The following PRPF3 variants were observed in gnomAD, a reference collection of about 807,000 sequenced individuals.
PRPF3 encodes U4/U6 small nuclear ribonucleoprotein Prp3.
A neutral mutation model predicts 89.2 loss-of-function variants in PRPF3; 3 were observed. That is an observed-to-expected ratio of 0.03 (90% CI 0.02 to 0.09). PRPF3 has a LOEUF of 0.09. PRPF3 is among the 10% of genes least tolerant of loss of function. PRPF3 has a pLI of 1.00. For missense variants in PRPF3, 463 were observed against 828.8 expected (o/e 0.56, Z 5.42); for synonymous variants, 270 against 289.1 (o/e 0.93, Z 0.67).
chr1:150,331,481 C>T (rs889920263), intron 4 of PRPF3, among the ~76,000 whole-genome samples: 4 of 152,174 alleles, frequency 2.6e-5, no homozygotes, highest in African/African-American at 4.8e-5. Context: ...TCTCCTGCCT[C>T]AGCCTCCTGA....
chr1:150,338,951 GTTTTTAGCATTATTTTCCTTAA>G (rs2101992966), intron 8 of PRPF3, among the ~76,000 whole-genome samples: 1 of 152,202 alleles, frequency 6.6e-6, no homozygotes, highest in Non-Finnish European at 1.5e-5. Flanking sequence ...ATTGTTGCCT[GTTTTTAGCATTATTTTCCTTAA>G]TTACATTCTT....
chr1:150,343,267 GTA>G, intron 9 of PRPF3, 40 bp from the exon 10 acceptor site: 1 of 1,331,018 alleles, frequency 7.5e-7, no homozygotes, highest in Non-Finnish European at 1.0e-6. Context: ...ATATATATAT[GTA>G]TTCTTACTGC....
intron 9 of PRPF3, among the ~76,000 whole-genome samples, chr1:150,342,382 C>T (rs587702788): frequency 6.6e-6 from 1 of 152,066 alleles, no homozygotes; most frequent in South Asian, 2.1e-4. Context: ...TCCGTCTCAA[C>T]AAAAGGAAAG....
At chr1:150,325,311 A>T (rs1326643985) in intron 2 of PRPF3, among the ~76,000 whole-genome samples, 1 of 152,162 alleles carries the variant, frequency 6.6e-6, no homozygotes, top group Admixed American at 6.6e-5. Context: ...TCGTTTGGCT[A>T]CCATACTGAG....
chr1:150,339,987 G>T (rs1657518722), intron 8 of PRPF3, among the ~76,000 whole-genome samples: 1 of 152,112 alleles, frequency 6.6e-6, no homozygotes, highest in Non-Finnish European at 1.5e-5. Flanking sequence ...CTCCCAAAGT[G>T]CTGGGATTAT....
chr1:150,334,627 A>G (rs1656778224), intron 6 of PRPF3, among the ~76,000 whole-genome samples: 1 of 151,802 alleles, frequency 6.6e-6, no homozygotes, highest in Admixed American at 6.6e-5. Context: ...CGTCCATCCA[A>G]ATAACTCTTA....
intron 3 of PRPF3, chr1:150,327,508 C>T (rs1325150087): frequency 1.2e-5 from 11 of 943,338 alleles, no homozygotes; most frequent in Non-Finnish European, 1.3e-5. Context: ...CATTCAGGTC[C>T]CCACCCCACA....
At chr1:150,347,431 A>G (rs1553873228) in intron 14 of PRPF3, among the ~76,000 whole-genome samples, 3 of 152,026 alleles carry the variant, frequency 2.0e-5, no homozygotes, top group Non-Finnish European at 4.4e-5. Flanking sequence ...AATATTGTTA[A>G]GTCAAAAATG....
Position 150,324,876 on chromosome 1 carries a change from G to T in PRPF3, c.-48-19G>T, listed in dbSNP as rs1403563822. ...TTAGTCTTTTCTTATTCTCTAACTT[G>T]TCTCTTTTTTTTTTTTAGGTGTAGT... On this transcript the variant is annotated intron_variant, in intron 1 of 15. Coordinates refer to ENST00000324862, the MANE Select transcript of PRPF3 (RefSeq NM_004698.4). 7.8e-5 allele frequency: 57 copies of T among 733,072 alleles called. No individual in the cohort carries two copies. The South Asian group carries it at 8.9e-4, about 11-fold the overall frequency. 45.4% of individuals were successfully genotyped at this position (733,072 alleles called of 1,614,324 possible). A position where few individuals can be genotyped will look rare whatever the true frequency, so the allele number is the denominator to read the frequency against.
intron 15 of PRPF3, 27 bp from the exon 16 acceptor site, chr1:150,352,806 T>C (rs1274996426): frequency 6.2e-7 from 1 of 1,609,394 alleles, no homozygotes; most frequent in Non-Finnish European, 8.5e-7. Context: ...GAAATTGAAG[T>C]GTTTTTATTA....
rs1655650888 is a variant in PRPF3 at position 150,325,826 on chromosome 1, G to A, written c.221G>A (p.Arg74Gln). ...CTGTTTGAGGCTGTGGAGGAAGGCC[G>A]AAGCTCTAGGCATTCCAAGTCTAGC... ...DKLFEAVEEG[R>Q]SSRHSKSSSD... Residue 74 changes from arginine (R) to glutamine (Q), a missense_variant, in exon 3 of 16, where the codon CGA becomes CAA. Arg to Gln is a conservative substitution (Grantham distance 43, BLOSUM62 1). Coordinates refer to ENST00000324862, the MANE Select transcript of PRPF3 (RefSeq NM_004698.4). 3 of 1,613,762 alleles carry A rather than the reference G, an allele frequency of 1.9e-6. No homozygotes were observed. Among genetic ancestry groups the A allele is most frequent in the South Asian group, 1.1e-5 (1 of 91,068 alleles).
chr1:150,340,713 C>T (rs1328758166), intron 9 of PRPF3, among the ~76,000 whole-genome samples: 1 of 151,948 alleles, frequency 6.6e-6, no homozygotes, highest in East Asian at 1.9e-4. Flanking sequence ...AGCATGGTGG[C>T]TCATGCCTCT....
intron 14 of PRPF3, among the ~76,000 whole-genome samples, chr1:150,348,460 A>ATTTTTTTTTTT (rs1185909509): frequency 0.024 from 1,178 of 48,322 alleles, 388 homozygotes; most frequent in African/African-American, 0.097. Context: ...CTACACGTGC[A>ATTTTTTTTTTT]TTTTTTTTTT....
At chr1:150,341,462 A>G (rs1201398591) in intron 9 of PRPF3, among the ~76,000 whole-genome samples, 1 of 143,938 alleles carries the variant, frequency 6.9e-6, no homozygotes, top group African/African-American at 2.6e-5. Context: ...CTGCAGTGCA[A>G]CGGCATGATC....
Position 150,321,539 on chromosome 1 carries a change from T to C in PRPF3, c.-102T>C, listed in dbSNP as rs899345473. The C allele has an allele frequency of 1.3e-5, 2 of 152,630 alleles. No homozygotes were observed. Among genetic ancestry groups the C allele is most frequent in the Non-Finnish European group, 2.9e-5 (2 of 68,136 alleles). The allele number at this position is 152,630 out of a possible 1,614,324, so 9.5% of individuals were successfully genotyped here. On this transcript the variant is annotated 5_prime_UTR_variant, in exon 1 of 16. Coordinates refer to ENST00000324862, the MANE Select transcript of PRPF3 (RefSeq NM_004698.4). ...GGCACGCCGTAGGGCGGTCAGAAGG[T>C]TTCCGGTTCCGGTGTAACGTTCGGG...
At chr1:150,341,226 A>G (rs1657676731) in intron 9 of PRPF3, among the ~76,000 whole-genome samples, 1 of 151,504 alleles carries the variant, frequency 6.6e-6, no homozygotes, top group Admixed American at 6.6e-5. Flanking sequence ...TGCTCCTTTT[A>G]TAGAACCACA....
intron 14 of PRPF3, among the ~76,000 whole-genome samples, chr1:150,347,102 A>G (rs1560117917): frequency 2.0e-5 from 3 of 152,116 alleles, no homozygotes; most frequent in Admixed American, 1.3e-4. Context: ...AAAAAAAAGA[A>G]AAAGCAAATC....
At chr1:150,322,032 C>T (rs955351604) in intron 1 of PRPF3, among the ~76,000 whole-genome samples, 3 of 152,084 alleles carry the variant, frequency 2.0e-5, no homozygotes, top group South Asian at 2.1e-4. Flanking sequence ...CCCCCACTAC[C>T]CCCGCACCTC....
chr1:150,343,248 A>ATAT (rs1553871909), intron 9 of PRPF3, 61 bp from the exon 10 acceptor site: 23 of 450,050 alleles, frequency 5.1e-5, no homozygotes, highest in South Asian at 3.3e-4. Flanking sequence ...AAAAAAAAAA[A>ATAT]ATATATATAT....
Sources: allele counts gnomAD v4.1 joint callset (sites outside exome capture counted in the v4.1 genomes callset), GRCh38; gene constraint gnomAD v4.1.1; transcripts MANE v1.5; gene names NCBI Gene and HGNC (gene_info 2026-07-23, HGNC 2026-07-21).